The following ELFN1 variants were observed in gnomAD, a reference collection of about 807,000 sequenced individuals.
ELFN1 encodes the protein extracellular leucine rich repeat and fibronectin type III domain containing 1, also known as protein ELFN1.
Under a neutral mutation model 7.6 loss-of-function variants are expected in ELFN1, and 6 were observed. The observed-to-expected ratio is 0.79, with a 90% CI of 0.43 to 1.56. The LOEUF (loss-of-function observed/expected upper bound fraction) is 1.56, where lower values mean the gene tolerates loss of function less well. Ranked by LOEUF, ELFN1 falls within the 40% of genes most tolerant of loss-of-function variation. The pLI, the probability that ELFN1 is intolerant of heterozygous loss-of-function variation, is 0.01. For missense variants in ELFN1, 1,169 were observed against 1,232.2 expected (o/e 0.95, Z 0.77); for synonymous variants, 657 against 588.1 (o/e 1.12, Z -1.70).
intron 3 of ELFN1, among the ~76,000 whole-genome samples, chr7:1,733,358 G>A (rs1366873097): frequency 6.6e-6 from 1 of 152,130 alleles, no homozygotes; most frequent in African/African-American, 2.4e-5. Context: ...GCCTCCAGAG[G>A]GAGTGACAGG....
chr7:1,741,538 G>C (rs1457518889), intron 3 of ELFN1, among the ~76,000 whole-genome samples: 2 of 152,160 alleles, frequency 1.3e-5, no homozygotes, highest in Non-Finnish European at 2.9e-5. Context: ...CTCCCAAGGA[G>C]TCTGATGCAC....
At chr7:1,676,626 G>A (rs1195747566) in intron 1 of ELFN1, among the ~76,000 whole-genome samples, 3 of 152,368 alleles carry the variant, frequency 2.0e-5, no homozygotes, top group Middle Eastern at 6.8e-3. Context: ...TGGATGGGGC[G>A]CAGGTTCGGT....
chr7:1,716,464 C>A (rs1030812931), intron 3 of ELFN1, among the ~76,000 whole-genome samples: 2 of 152,256 alleles, frequency 1.3e-5, no homozygotes, highest in Non-Finnish European at 2.9e-5. Flanking sequence ...TAGCTGCCTT[C>A]CTTCCTGCCG....
At chr7:1,679,756 G>GC (rs1778940453) in intron 1 of ELFN1, among the ~76,000 whole-genome samples, 1 of 152,184 alleles carries the variant, frequency 6.6e-6, no homozygotes, top group Non-Finnish European at 1.5e-5. Flanking sequence ...CCTTCCCCCT[G>GC]CCCCCTGGCC....
chr7:1,697,928 A>C (rs1273522502), intron 2 of ELFN1, among the ~76,000 whole-genome samples: 2 of 152,152 alleles, frequency 1.3e-5, no homozygotes, highest in Non-Finnish European at 2.9e-5. Context: ...AAGAAAGGAG[A>C]GACAGACAGG....
chr7:1,683,861 A>G (rs1398190556), intron 1 of ELFN1, among the ~76,000 whole-genome samples: 1 of 151,942 alleles, frequency 6.6e-6, no homozygotes, highest in Non-Finnish European at 1.5e-5. Flanking sequence ...TAATTTACCT[A>G]CTCCAGGTTG....
chr7:1,714,068 G>A (rs779885665), intron 3 of ELFN1, among the ~76,000 whole-genome samples: 53 of 152,344 alleles, frequency 3.5e-4, no homozygotes, highest in Non-Finnish European at 6.5e-4. Flanking sequence ...CCTCACACGG[G>A]CGGGCTGGAA....
At chr7:1,726,136 G>A (rs1471784321) in intron 3 of ELFN1, among the ~76,000 whole-genome samples, 4 of 152,024 alleles carry the variant, frequency 2.6e-5, no homozygotes, top group African/African-American at 4.8e-5. Context: ...GTGGGTCTTC[G>A]GCTGGAGAAC....
intron 3 of ELFN1, among the ~76,000 whole-genome samples, chr7:1,717,360 C>T (rs930600956): frequency 1.3e-5 from 2 of 152,202 alleles, no homozygotes; most frequent in Non-Finnish European, 2.9e-5. Flanking sequence ...CAGCATGGCC[C>T]TGAGATGCCA....
Sources: allele counts gnomAD v4.1 joint callset (sites outside exome capture counted in the v4.1 genomes callset), GRCh38; gene constraint gnomAD v4.1.1; transcripts MANE v1.5; gene names NCBI Gene and HGNC (gene_info 2026-07-23, HGNC 2026-07-21).